RPS6KC1: variants seen among roughly 807,000 people sequenced by gnomAD.
RPS6KC1 encodes the protein ribosomal protein S6 kinase C1, also known as inactive ribosomal protein S6 kinase delta-1.
RPS6KC1 carries 54 observed loss-of-function variants against 103.8 expected under a neutral mutation model. That is an observed-to-expected ratio of 0.52 (90% CI 0.42 to 0.65). The LOEUF (loss-of-function observed/expected upper bound fraction) is 0.65, where lower values mean the gene tolerates loss of function less well. Ranked by LOEUF, RPS6KC1 falls within the 30% of genes least tolerant of loss-of-function variation. The pLI, the probability that RPS6KC1 is intolerant of heterozygous loss-of-function variation, is 0.00. For synonymous variants in RPS6KC1, 439 were observed against 438.7 expected (o/e 1.00, Z -0.01); for missense variants, 1,151 against 1,253.8 (o/e 0.92, Z 1.24).
chr1:213,553,610 T>C, the RPS6KC1 span, among the ~76,000 whole-genome samples: 1 of 152,176 alleles, frequency 6.6e-6, no homozygotes. Context: ...CTCAATGTAC[T>C]TTCCACAGTG....
At chr1:213,853,889 G>A in the RPS6KC1 span, among the ~76,000 whole-genome samples, 2 of 152,144 alleles carry the variant, frequency 1.3e-5, no homozygotes, top group Admixed American at 6.6e-5. Flanking sequence ...GCCCTCGACT[G>A]CCTCTCTTGT....
the RPS6KC1 span, among the ~76,000 whole-genome samples, chr1:213,457,775 A>G: frequency 6.6e-6 from 1 of 152,256 alleles, no homozygotes; most frequent in Non-Finnish European, 1.5e-5. Context: ...TGCTGGGTTC[A>G]TACATATATA....
the RPS6KC1 span, among the ~76,000 whole-genome samples, chr1:213,626,440 A>G: frequency 3.3e-5 from 5 of 152,154 alleles, no homozygotes; most frequent in East Asian, 5.8e-4. Flanking sequence ...ATTAGATCCC[A>G]TTTGTCAATT....
At chr1:213,375,206 T>A in the RPS6KC1 span, among the ~76,000 whole-genome samples, 1 of 151,524 alleles carries the variant, frequency 6.6e-6, no homozygotes, top group Admixed American at 6.6e-5. Flanking sequence ...CATATACACA[T>A]ATACATACAT....
chr1:213,556,874 A>C, the RPS6KC1 span, among the ~76,000 whole-genome samples: 120,818 of 152,154 alleles, frequency 0.79, 48,738 homozygotes, highest in East Asian at 0.98. Context: ...TTACTTCTGT[A>C]ATATTTCCAT....
chr1:213,548,824 T>C, the RPS6KC1 span, among the ~76,000 whole-genome samples: 4 of 152,226 alleles, frequency 2.6e-5, no homozygotes, highest in Admixed American at 2.6e-4. Context: ...TTCTTGGAAC[T>C]GTACATATAT....
At chr1:213,313,435 C>T in the RPS6KC1 span, among the ~76,000 whole-genome samples, 5,380 of 152,160 alleles carry the variant, frequency 0.035, 125 homozygotes, top group Middle Eastern at 0.058. Context: ...TATCTGAGCA[C>T]CCCAGGGACC....
the RPS6KC1 span, among the ~76,000 whole-genome samples, chr1:213,752,767 T>C: frequency 2.0e-5 from 3 of 152,224 alleles, no homozygotes; most frequent in Non-Finnish European, 4.4e-5. Flanking sequence ...GGAGGGACTA[T>C]TGAAAATGGA....
At chr1:213,562,018 C>T in the RPS6KC1 span, among the ~76,000 whole-genome samples, 10 of 152,136 alleles carry the variant, frequency 6.6e-5, no homozygotes, top group Admixed American at 6.5e-4. Context: ...CTAATTTTAC[C>T]TTTGACCTTG....
intron 6 of RPS6KC1, among the ~76,000 whole-genome samples, chr1:213,148,592 A>T (rs1369985014): frequency 6.6e-6 from 1 of 152,042 alleles, no homozygotes; most frequent in South Asian, 2.1e-4. Context: ...TATTTTGTTG[A>T]GGATTTTTGC....
At chr1:213,388,790 G>A in the RPS6KC1 span, among the ~76,000 whole-genome samples, 12 of 152,194 alleles carry the variant, frequency 7.9e-5, no homozygotes, top group Non-Finnish European at 1.5e-4. Flanking sequence ...ATCTTCAGCG[G>A]GGGCCTGTAA....
At chr1:213,385,208 G>A in the RPS6KC1 span, among the ~76,000 whole-genome samples, 137 of 152,336 alleles carry the variant, frequency 9.0e-4, 1 homozygote, top group African/African-American at 3.1e-3. Flanking sequence ...GCCCTTTAGG[G>A]GCAGGACTGT....
chr1:213,538,430 A>G, the RPS6KC1 span, among the ~76,000 whole-genome samples: 1 of 152,310 alleles, frequency 6.6e-6, no homozygotes, highest in East Asian at 1.9e-4. Flanking sequence ...AGCCTGTCAC[A>G]TGATCCCACC....
chr1:213,261,643 A>ACCT lies in RPS6KC1; in HGVS notation c.2994+3_2994+4insCCT. 1 of 1,612,106 alleles carries ACCT rather than the reference A, an allele frequency of 6.2e-7. No individual in the cohort carries two copies. The highest frequency in any genetic ancestry group is 2.2e-5 in the East Asian group (1 of 44,862). ...TCTTTGAACTTCTCACTGGCAAGGT[A>ACCT]AGCAGTGGCCTGGACGTTTAATAAA... On this transcript the variant is annotated splice_donor_region_variant and intron_variant, in intron 13 of 14. Coordinates refer to ENST00000366960, the MANE Select transcript of RPS6KC1 (RefSeq NM_012424.6).
At chr1:213,210,999 A>G (rs551030152) in intron 8 of RPS6KC1, among the ~76,000 whole-genome samples, 1 of 152,374 alleles carries the variant, frequency 6.6e-6, no homozygotes, top group African/African-American at 2.4e-5. Flanking sequence ...AAGTGTATTT[A>G]TAGAGCACAT....
rs1573548301 is a variant in RPS6KC1 at position 213,242,505 on chromosome 1, A to G, written c.2822-64A>G. ...TTTTAGCTACAAAAGGAGTAATTACAGTTCACTTCTGCAGAAAATGGAAGA... is the reference window on the plus strand; with the variant it reads ...TTTTAGCTACAAAAGGAGTAATTACGGTTCACTTCTGCAGAAAATGGAAGA... On this transcript the variant is annotated intron_variant, in intron 11 of 14. Transcript: ENST00000366960. 12 of 1,318,738 alleles carry G rather than the reference A, an allele frequency of 9.1e-6. No homozygotes were observed. The East Asian group carries it at 2.8e-4, about 31-fold the overall frequency. The allele number at this position is 1,318,738 out of a possible 1,614,324, so 81.7% of individuals were successfully genotyped here.
At chr1:213,243,975 A>T (rs1263428592) in intron 12 of RPS6KC1, among the ~76,000 whole-genome samples, 1 of 152,194 alleles carries the variant, frequency 6.6e-6, no homozygotes, top group Non-Finnish European at 1.5e-5. Context: ...CCTATAAAAT[A>T]AATATCCTAA....
chr1:213,610,377 G>A, the RPS6KC1 span, among the ~76,000 whole-genome samples: 1 of 152,162 alleles, frequency 6.6e-6, no homozygotes, highest in Non-Finnish European at 1.5e-5. Flanking sequence ...GTTTGGTCAA[G>A]AACTATTGCT....
chr1:213,173,205 A>G (rs1344976196), intron 7 of RPS6KC1, among the ~76,000 whole-genome samples: 2 of 152,232 alleles, frequency 1.3e-5, no homozygotes, highest in East Asian at 1.9e-4. Context: ...TTTAAGCACT[A>G]CATATGAGAA....
Sources: allele counts gnomAD v4.1 joint callset (sites outside exome capture counted in the v4.1 genomes callset), GRCh38; gene constraint gnomAD v4.1.1; transcripts MANE v1.5; gene names NCBI Gene and HGNC (gene_info 2026-07-23, HGNC 2026-07-21).